The following UBA6 variants were observed in gnomAD, a reference collection of about 807,000 sequenced individuals.
UBA6 encodes the protein ubiquitin-like modifier-activating enzyme 6.
A neutral mutation model predicts 148.3 loss-of-function variants in UBA6; 87 were observed. The observed-to-expected ratio is 0.59, with a 90% CI of 0.49 to 0.70. The LOEUF (loss-of-function observed/expected upper bound fraction) is 0.70. Ranked by LOEUF, UBA6 falls within the 30% of genes least tolerant of loss-of-function variation. The pLI is 0.00. For synonymous variants in UBA6, 376 were observed against 401.0 expected, an observed-to-expected ratio of 0.94 and a Z score of 0.75; for missense variants, 1,186 against 1,241.2, an observed-to-expected ratio of 0.96 and a Z score of 0.67.
rs1323871541 is a variant in UBA6, at chr4:67,668,443, G to A, written c.793+108C>T. On this transcript the variant is annotated intron_variant, in intron 9 of 32. Coordinates refer to ENST00000322244, the MANE Select transcript of UBA6 (RefSeq NM_018227.6). ...TGGATCGAATATTTTGAGGCCAAGG[G>A]CTTTGGATCATGTCTCTCTGAGTTG... is the stretch of plus-strand genomic sequence containing the variant. 1.2e-5 allele frequency: 12 copies of A among 1,035,628 alleles called. 1 individual carries two copies. The highest frequency in any genetic ancestry group is 1.7e-5 in the Non-Finnish European group (12 of 701,746). The allele number at this position is 1,035,628 out of a possible 1,614,324, so 64.2% of individuals were successfully genotyped here. A position where few individuals can be genotyped will look rare whatever the true frequency, so the allele number is the denominator to read the frequency against.
intron 26 of UBA6, among the ~76,000 whole-genome samples, chr4:67,629,344 G>T (rs1728944931): frequency 6.6e-6 from 1 of 151,758 alleles, no homozygotes; most frequent in Non-Finnish European, 1.5e-5. Flanking sequence ...AAGGTAAGGG[G>T]TAAAAAAGTA....
intron 10 of UBA6, among the ~76,000 whole-genome samples, chr4:67,664,190 T>G (rs1156642346): frequency 6.6e-6 from 1 of 152,172 alleles, no homozygotes; most frequent in African/African-American, 2.4e-5. Context: ...GAACAATTAG[T>G]AAAAACATTT....
chr4:67,646,485 T>A (rs1264698711), intron 15 of UBA6, among the ~76,000 whole-genome samples: 1 of 152,166 alleles, frequency 6.6e-6, no homozygotes, highest in Non-Finnish European at 1.5e-5. Flanking sequence ...TCTAATGTCA[T>A]TATGGTATTT....
chr4:67,699,927 T>G (rs1236657932), intron 1 of UBA6, among the ~76,000 whole-genome samples: 1 of 152,148 alleles, frequency 6.6e-6, no homozygotes, highest in African/African-American at 2.4e-5. Flanking sequence ...TTATCTACTT[T>G]CCTATCATTT....
rs772983828 is a variant in UBA6, at chr4:67,613,444, G to T, written c.*5553C>A. 4.1e-4 allele frequency: 63 copies of T among 152,156 alleles called. No homozygotes were observed. Among genetic ancestry groups the T allele is most frequent in the Non-Finnish European group, 6.9e-4 (47 of 68,008 alleles). 9.4% of individuals were successfully genotyped at this position (152,156 alleles called of 1,614,324 possible). A position where few individuals can be genotyped will look rare whatever the true frequency, so the allele number is the denominator to read the frequency against. ...ATGCTTTTCATTTTGAAGCAGATAA[G>T]AAATTGAAAATTTCAGCAAGACAAT... On this transcript the variant is annotated 3_prime_UTR_variant, in exon 33 of 33. Transcript: ENST00000322244.
In UBA6 at chr4:67,619,198, C is replaced by T. The variant is rs149200170; in HGVS notation, c.3024-66G>A. 14 of 1,245,706 alleles carry T rather than the reference C, an allele frequency of 1.1e-5. No individual in the cohort carries two copies. In the East Asian group the frequency reaches 3.0e-4, roughly 27 times the overall value. 77.2% of individuals were successfully genotyped at this position (1,245,706 alleles called of 1,614,324 possible). On this transcript the variant is annotated intron_variant, in intron 32 of 32. Coordinates refer to ENST00000322244, the MANE Select transcript of UBA6 (RefSeq NM_018227.6). ...ATAAAATGAAAAAATGATTTGCTGA[C>T]TAATGCCATCCAGAGAACCTGGACT...
chr4:67,636,835 G>A (rs1352790617), intron 19 of UBA6, among the ~76,000 whole-genome samples: 5 of 152,010 alleles, frequency 3.3e-5, no homozygotes, highest in East Asian at 1.9e-4. Context: ...AGTGAGGAGC[G>A]TCTCTGCCTG....
intron 32 of UBA6, among the ~76,000 whole-genome samples, chr4:67,621,483 G>A (rs1039573699): frequency 1.3e-5 from 2 of 152,210 alleles, no homozygotes; most frequent in Admixed American, 6.5e-5. Context: ...TGAAATATAT[G>A]TTCTAGTAGC....
chr4:67,628,164 CT>C (rs1560478194), intron 27 of UBA6, among the ~76,000 whole-genome samples: 1 of 151,950 alleles, frequency 6.6e-6, no homozygotes, highest in East Asian at 1.9e-4. Context: ...AATTAAGTGA[CT>C]CTTCCACTTC....
intron 19 of UBA6, among the ~76,000 whole-genome samples, chr4:67,637,722 A>C (rs1729198218): frequency 1.3e-5 from 2 of 152,040 alleles, no homozygotes; most frequent in Admixed American, 1.3e-4. Flanking sequence ...TGCTTTGTTA[A>C]ACAGATGCCT....
At chr4:67,684,059 G>A (rs951602543) in intron 2 of UBA6, among the ~76,000 whole-genome samples, 4 of 152,078 alleles carry the variant, frequency 2.6e-5, no homozygotes, top group Non-Finnish European at 4.4e-5. Flanking sequence ...CTTGGGCGAC[G>A]GGAATGAAAT....
At chr4:67,684,243 G>C (rs28712460) in intron 2 of UBA6, among the ~76,000 whole-genome samples, 1,748 of 152,176 alleles carry the variant, frequency 0.011, 40 homozygotes, top group African/African-American at 0.04. Context: ...GTTGGCACTT[G>C]TAAACTTGGC....
chr4:67,686,846 C>T (rs1730577013), intron 2 of UBA6, among the ~76,000 whole-genome samples: 1 of 149,300 alleles, frequency 6.7e-6, no homozygotes, highest in Non-Finnish European at 1.5e-5. Flanking sequence ...CCTACCTTCT[C>T]AGGAGGCTGA....
chr4:67,668,410 T>C, intron 9 of UBA6, 141 bp downstream of exon 9: 1 of 724,318 alleles, frequency 1.4e-6, no homozygotes, highest in Non-Finnish European at 2.2e-6. Flanking sequence ...TTTAACAATG[T>C]CTTCACTTGG....
intron 4 of UBA6, among the ~76,000 whole-genome samples, chr4:67,679,596 T>A (rs1261517843): frequency 6.6e-6 from 1 of 152,026 alleles, no homozygotes; most frequent in Admixed American, 6.6e-5. Flanking sequence ...AATATTGGAA[T>A]TGGTATTCTG....
Position 67,681,592 on chromosome 4 carries a change from C to T in UBA6, c.230-1G>A. ...ATCCCTGCAAGAACAAGATTCTTTG[C>T]TAGAAAGGCAAAAGAAAAAGGAATA... On this transcript the variant is annotated splice_acceptor_variant, in intron 3 of 32. Transcript: ENST00000322244. LOFTEE classifies it high-confidence loss of function. 1 of 1,579,460 alleles carries T rather than the reference C, an allele frequency of 6.3e-7. No individual in the cohort carries two copies. Among genetic ancestry groups the T allele is most frequent in the Non-Finnish European group, 8.6e-7 (1 of 1,167,898 alleles).
chr4:67,695,508 G>T (rs1380052778), intron 2 of UBA6, among the ~76,000 whole-genome samples: 1 of 152,060 alleles, frequency 6.6e-6, no homozygotes, highest in Non-Finnish European at 1.5e-5. Context: ...TCATTAACCT[G>T]TCATAGTTTC....
chr4:67,643,579 G>A (rs1350879119), intron 17 of UBA6, among the ~76,000 whole-genome samples: 2 of 151,768 alleles, frequency 1.3e-5, no homozygotes, highest in African/African-American at 4.8e-5. Flanking sequence ...TAAAGTTTTG[G>A]ACAAACATTC....
chr4:67,646,645 A>G, intron 15 of UBA6, 79 bp downstream of exon 15: 2 of 1,061,120 alleles, frequency 1.9e-6, no homozygotes, highest in Non-Finnish European at 1.4e-6. Flanking sequence ...GAAAAGACAC[A>G]TAAAACAAAG....
Sources: gnomAD v4.1 joint callset for allele counts (sites outside exome capture counted in the v4.1 genomes callset) on GRCh38, gnomAD v4.1.1 for gene constraint, MANE v1.5 for transcripts, NCBI Gene and HGNC (gene_info 2026-07-23, HGNC 2026-07-21) for gene names.